IL4I1: variants seen among roughly 807,000 people sequenced by gnomAD.
IL4I1 encodes the protein L-amino-acid oxidase.
A neutral mutation model predicts 29.7 loss-of-function variants in IL4I1; 24 were observed. That is an observed-to-expected ratio of 0.81 (90% CI 0.59 to 1.14). The LOEUF (loss-of-function observed/expected upper bound fraction) is 1.14, where lower values mean the gene tolerates loss of function less well. Ranked by LOEUF, IL4I1 falls within the 50% of genes most tolerant of loss-of-function variation. The probability of loss-of-function intolerance (pLI) is 0.00; values close to 1 mark genes in which losing one functional copy is unlikely to be tolerated. For missense variants in IL4I1, 686 were observed against 785.6 expected (o/e 0.87, Z 1.52); for synonymous variants, 371 against 352.5 (o/e 1.05, Z -0.59).
Position 49,890,148 on chromosome 19 carries a change from C to G in IL4I1, c.1226G>C (p.Gly409Ala). ...GCGCAACGCCTCTTCCCGGCTCAAG[C>G]CGGCGAACGCTGCCGCCGCGTCCGA... ...TWSDAAAAFAGLSREEALRLA... is the reference protein window; with the variant it reads ...TWSDAAAAFAALSREEALRLA... Residue 409 changes from glycine to alanine, a missense_variant, in exon 8 of 8, where the codon GGC (glycine) becomes GCC (alanine). Physicochemically the swap from Gly to Ala is moderately conservative, Grantham distance 60 (BLOSUM62 0). Coordinates refer to ENST00000391826, the MANE Select transcript of IL4I1 (RefSeq NM_152899.2). 1 of 1,541,398 alleles carries G rather than the reference C, an allele frequency of 6.5e-7. No homozygotes were observed. The highest frequency in any genetic ancestry group is 8.7e-7 in the Non-Finnish European group (1 of 1,143,274).
At position 49,889,665 on chromosome 19, in the gene IL4I1, ATACTT is replaced by A. The variant is rs761184191; in HGVS notation, c.1704_*4del. On this transcript the variant is annotated stop_lost and 3_prime_UTR_variant, in exon 8 of 8. Coordinates refer to ENST00000391826, the MANE Select transcript of IL4I1 (RefSeq NM_152899.2). ...CTGGACCACACGGCTTTTTCCGAAA[ATACTT>A]TAATGCGAGGTCCTCGTGTGGGTCG... 2.7e-6 allele frequency: 4 copies of A among 1,478,794 alleles called. No homozygotes were observed. Among genetic ancestry groups the A allele is most frequent in the Non-Finnish European group, 2.7e-6 (3 of 1,112,798 alleles). The allele number at this position is 1,478,794 out of a possible 1,614,324, so 91.6% of individuals were successfully genotyped here. A position where few individuals can be genotyped will look rare whatever the true frequency, so the allele number is the denominator to read the frequency against.
intron 3 of IL4I1, among the ~76,000 whole-genome samples, chr19:49,902,322 A>G (rs1022541132): frequency 2.0e-5 from 3 of 151,196 alleles, no homozygotes; most frequent in African/African-American, 7.3e-5. Context: ...TTTAAAAACT[A>G]CAATATCATT....
chr19:49,900,581 C>A (rs2075262552), upstream of IL4I1, among the ~76,000 whole-genome samples: 1 of 152,130 alleles, frequency 6.6e-6, no homozygotes, highest in Non-Finnish European at 1.5e-5. Context: ...AGCCACCATG[C>A]CCAGCCTCCA....
intron 5 of IL4I1, among the ~76,000 whole-genome samples, chr19:49,892,754 G>A (rs1387846991): frequency 1.3e-5 from 2 of 152,096 alleles, no homozygotes; most frequent in East Asian, 1.9e-4. Flanking sequence ...CATGCATCTC[G>A]CATCTCTCAG....
At position 49,896,064 on chromosome 19, in the gene IL4I1, G is replaced by C; in HGVS notation, c.14-11C>G. On this transcript the variant is annotated splice_polypyrimidine_tract_variant and intron_variant, in intron 2 of 7. Transcript: ENST00000391826. ...CGAGGAGGTGCAGGGCTGGGAGGAG[G>C]AGGACAGGGTCAACGGGGTTGTGGC... 6.2e-7 allele frequency: 1 copy of C among 1,612,668 alleles called. No individual in the cohort carries two copies. The highest frequency in any genetic ancestry group is 8.5e-7 in the Non-Finnish European group (1 of 1,179,328).
rs746067512 is a variant in IL4I1, at chr19:49,895,883, C to T, written c.184G>A (p.Val62Met). The change falls in exon 3 of 8, where the codon GTG (valine) becomes ATG (methionine). Residue 62 changes from valine (V) to methionine (M), a missense_variant. Coordinates refer to ENST00000391826, the MANE Select transcript of IL4I1 (RefSeq NM_152899.2). The stretch of plus-strand genomic sequence containing the variant: ...GCCACACCAGCGCCAACCACAATCA[C>T]CCTCTGGGGCTTCAGGGTCCGATTG... Reference protein sequence around the residue: ...GLNRTLKPQRVIVVGAGVAGL... With the variant: ...GLNRTLKPQRMIVVGAGVAGL... 4 of 1,614,108 alleles carry T rather than the reference C, an allele frequency of 2.5e-6. No individual in the cohort carries two copies. The South Asian group carries it at 4.4e-5, about 18-fold the overall frequency.
rs749975752 is a variant in IL4I1 at position 49,909,838 on chromosome 19, T to C, written c.-227-5517A>G. 1.9e-6 allele frequency: 3 copies of C among 1,611,138 alleles called. No individual in the cohort carries two copies. In the African/African-American group the frequency reaches 4.0e-5, roughly 22 times the overall value. On this transcript the variant is annotated intron_variant, in intron 2 of 9. Coordinates refer to the IL4I1 transcript ENST00000341114. Reference sequence around the variant, plus strand: ...CGGACTCTGGTGGCGGCAGCTACTCTGGCTCCCAAAGCAAATCCGTCGGTG... The same window carrying C: ...CGGACTCTGGTGGCGGCAGCTACTCCGGCTCCCAAAGCAAATCCGTCGGTG...
rs576700019 is a variant in IL4I1 at position 49,914,127 on chromosome 19, T to C, written c.-227-9806A>G. Among the ~76,000 whole-genome samples, 15 of 152,218 alleles carry C rather than the reference T, an allele frequency of 9.9e-5. 2 individuals are homozygous for C. In the South Asian group the frequency reaches 2.3e-3, roughly 23 times the overall value. ...ACTTTCGGAGGCCAAGGCAGGAGGATTGCTTAAGCCCAGGAGTTTGAGGCA... is the reference window on the plus strand; with the variant it reads ...ACTTTCGGAGGCCAAGGCAGGAGGACTGCTTAAGCCCAGGAGTTTGAGGCA... On this transcript the variant is annotated intron_variant, in intron 2 of 9. Transcript: ENST00000341114.
intron 2 of IL4I1, among the ~76,000 whole-genome samples, chr19:49,915,619 T>C (rs543708712): frequency 2.6e-5 from 4 of 152,284 alleles, no homozygotes; most frequent in African/African-American, 7.2e-5. Context: ...TGAGGGACGA[T>C]GGAGAAAGAA....
chr19:49,894,490 G>T (rs979322622), intron 4 of IL4I1, 21 bp from the exon 5 acceptor site: 1 of 1,605,392 alleles, frequency 6.2e-7, no homozygotes, highest in South Asian at 1.1e-5. Flanking sequence ...GAGTGGGTGA[G>T]TGAGGGCCGG....
intron 1 of IL4I1, chr19:49,928,436 G>C (rs1017350062): frequency 6.6e-6 from 1 of 151,598 alleles, no homozygotes. Context: ...AGAATGGCGT[G>C]AACCTGGGAG....
At chr19:49,904,345 G>A (rs568412067) in intron 2 of IL4I1, 1 of 152,258 alleles carries the variant, frequency 6.6e-6, no homozygotes, top group African/African-American at 2.4e-5. Context: ...CTGAAATTAC[G>A]ATGGAGCCAT....
intron 2 of IL4I1, among the ~76,000 whole-genome samples, chr19:49,915,868 T>G (rs2075610920): frequency 6.6e-6 from 1 of 152,188 alleles, no homozygotes; most frequent in Admixed American, 6.5e-5. Context: ...AGGCCATCTA[T>G]GATGGGAGGG....
At chr19:49,899,658 G>A (rs559484318), upstream of IL4I1, among the ~76,000 whole-genome samples, 2 of 151,836 alleles carry the variant, frequency 1.3e-5, no homozygotes, top group South Asian at 2.1e-4. Context: ...CTGGGTTCAC[G>A]CCATTCTCCT....
At chr19:49,890,679 G>A (rs1304494262) in intron 7 of IL4I1, 79 bp from the exon 8 acceptor site, 33 of 747,980 alleles carry the variant, frequency 4.4e-5, no homozygotes, top group Admixed American at 1.7e-4. Flanking sequence ...CACCCACCCC[G>A]GCAGCTGGCC....
intron 3 of IL4I1, among the ~76,000 whole-genome samples, chr19:49,903,833 T>TG (rs1736223159): frequency 8.4e-6 from 1 of 118,454 alleles, no homozygotes; most frequent in Non-Finnish European, 1.8e-5. Context: ...GTGCTGGGTT[T>TG]TTTTTTTTTT....
chr19:49,918,314 C>T lies in IL4I1; in HGVS notation c.-228+9380G>A, dbSNP rs559199379. ...TCCTGGGCTGAAGCCATCCTCCCACCTCTGCCTCCCAAAGTGCCAAGATTA... is the reference window on the plus strand; with the variant it reads ...TCCTGGGCTGAAGCCATCCTCCCACTTCTGCCTCCCAAAGTGCCAAGATTA... On this transcript the variant is annotated intron_variant, in intron 2 of 9. Coordinates refer to the IL4I1 transcript ENST00000341114. 6.6e-4 allele frequency among the ~76,000 whole-genome samples: 100 copies of T among 152,298 alleles called. 1 individual carries two copies. The highest frequency in any genetic ancestry group is 2.4e-3 in the African/African-American group (100 of 41,562).
At chr19:49,927,133 C>T (rs909670847) in intron 2 of IL4I1, among the ~76,000 whole-genome samples, 4 of 152,048 alleles carry the variant, frequency 2.6e-5, no homozygotes, top group African/African-American at 9.7e-5. Flanking sequence ...GGTGGTGGGA[C>T]TACAGGCATG....
At chr19:49,905,483 GAGA>G (rs2075310151) in intron 2 of IL4I1, among the ~76,000 whole-genome samples, 1 of 152,232 alleles carries the variant, frequency 6.6e-6, no homozygotes, top group African/African-American at 2.4e-5. Flanking sequence ...AGCTTTCAGA[GAGA>G]AGTAGCTGGG....
Sources: allele counts gnomAD v4.1 joint callset (sites outside exome capture counted in the v4.1 genomes callset), GRCh38; gene constraint gnomAD v4.1.1; transcripts MANE v1.5; gene names NCBI Gene and HGNC (gene_info 2026-07-23, HGNC 2026-07-21).